Variants in XPNPEP1 observed in about 807,000 individuals in gnomAD.
XPNPEP1 encodes the protein X-prolyl aminopeptidase 1, also known as xaa-Pro aminopeptidase 1.
A neutral mutation model predicts 92.4 loss-of-function variants in XPNPEP1; 39 were observed. That is an observed-to-expected ratio of 0.42 (90% confidence interval 0.33 to 0.55). The LOEUF is 0.55. XPNPEP1 is among the 20% of genes least tolerant of loss of function. The pLI is 0.08. For synonymous variants in XPNPEP1, 307 were observed against 299.4 expected (o/e 1.03, Z -0.26); for missense variants, 654 against 856.1 (o/e 0.76, Z 2.95).
At chr10:109,913,479 T>C (rs1455864053) in intron 2 of XPNPEP1, among the ~76,000 whole-genome samples, 1 of 152,242 alleles carries the variant, frequency 6.6e-6, no homozygotes, top group Non-Finnish European at 1.5e-5. Flanking sequence ...TTAGAGGTAG[T>C]GGTTTGTTTC....
chr10:109,921,157 C>A lies in XPNPEP1; in HGVS notation c.32+2245G>T, dbSNP rs762539751. On this transcript the variant is annotated intron_variant, in intron 1 of 20. Transcript: ENST00000502935. Reference sequence around the variant, plus strand: ...AAGTTCTCTGTCAAAGCACAATTATCATTAAATATTAAGAACTAGAAGAAT... The same window carrying A: ...AAGTTCTCTGTCAAAGCACAATTATAATTAAATATTAAGAACTAGAAGAAT... 2.6e-5 allele frequency among the ~76,000 whole-genome samples: 4 copies of A among 152,320 alleles called. No individual in the cohort carries two copies. In the East Asian group the frequency reaches 7.7e-4, roughly 29 times the overall value.
chr10:109,877,694 G>T (rs1443401793), intron 14 of XPNPEP1, 96 bp downstream of exon 14: 3 of 1,401,692 alleles, frequency 2.1e-6, no homozygotes, highest in Non-Finnish European at 3.0e-6. Flanking sequence ...GATGAAGGTG[G>T]GCACAGAGGC....
chr10:109,870,762 C>T lies in XPNPEP1; in HGVS notation c.1665G>A (p.Glu555=). The T allele has an allele frequency of 6.2e-7, 1 of 1,614,126 alleles. No homozygotes were observed. The highest frequency in any genetic ancestry group is 8.5e-7 in the Non-Finnish European group (1 of 1,180,020). Residue 555 remains glutamate (E), a synonymous_variant, in exon 18 of 21, where the codon GAG becomes GAA. Coordinates refer to ENST00000502935, the MANE Select transcript of XPNPEP1 (RefSeq NM_020383.4). ...CGISYKTFSD[E]PLEAGMIVTD... ...TGACAATCATGCCTGCCTCCAAGGG[C>T]TCATCAGAGAATGTTTTGTAACTGA...
chr10:109,897,642 C>G (rs1003744713), intron 3 of XPNPEP1, among the ~76,000 whole-genome samples: 1 of 150,760 alleles, frequency 6.6e-6, no homozygotes, highest in Non-Finnish European at 1.5e-5. Context: ...GAACCAAGAT[C>G]TGAACTCAGG....
intron 1 of XPNPEP1, among the ~76,000 whole-genome samples, chr10:109,922,184 G>C (rs1016964024): frequency 5.9e-5 from 9 of 152,144 alleles, no homozygotes; most frequent in African/African-American, 2.2e-4. Context: ...TAGGGGAGGC[G>C]CCTGTGGAAA....
At chr10:109,897,960 C>G (rs760096768) in intron 3 of XPNPEP1, among the ~76,000 whole-genome samples, 9 of 152,326 alleles carry the variant, frequency 5.9e-5, no homozygotes, top group African/African-American at 9.6e-5. Flanking sequence ...AGCCTCAGGT[C>G]TGACTTTCGA....
intron 12 of XPNPEP1, among the ~76,000 whole-genome samples, chr10:109,878,565 A>T (rs1456032206): frequency 1.3e-5 from 2 of 152,180 alleles, no homozygotes; most frequent in East Asian, 3.8e-4. Context: ...TGTTCACACT[A>T]TGATTCTAAG....
In XPNPEP1 at chr10:109,870,857, G is replaced by T. The variant is rs1329490769; in HGVS notation, c.1570C>A (p.Leu524Ile). 6.2e-7 allele frequency: 1 copy of T among 1,614,086 alleles called. No homozygotes were observed. Among genetic ancestry groups the T allele is most frequent in the Admixed American group, 1.7e-5 (1 of 60,006 alleles). Reference sequence around the variant, plus strand: ...TGTCCAGTCCCGTGCAAGTAATCTAGGCCTGAATCCCATAAAGCTGAACGG... The same window carrying T: ...TGTCCAGTCCCGTGCAAGTAATCTATGCCTGAATCCCATAAAGCTGAACGG... The part of the protein sequence containing the change: ...FARSALWDSG[L>I]DYLHGTGHGV... Residue 524 changes from leucine to isoleucine, a missense_variant, in exon 18 of 21, where the codon CTA becomes ATA. Transcript: ENST00000502935.
At position 109,882,648 on chromosome 10, in the gene XPNPEP1, G is replaced by A. The variant is rs1456072199; in HGVS notation, c.831-6C>T. 3 of 1,614,032 alleles carry A rather than the reference G, an allele frequency of 1.9e-6. No homozygotes were observed. Among genetic ancestry groups the A allele is most frequent in the Non-Finnish European group, 2.5e-6 (3 of 1,179,902 alleles). On this transcript the variant is annotated splice_polypyrimidine_tract_variant and splice_region_variant and intron_variant, in intron 9 of 20. Transcript: ENST00000502935. The stretch of plus-strand genomic sequence containing the variant: ...GGTCACCATCAATGAAGAGCCTGCA[G>A]ATGGAGGAGAGGTGGGTGGCAGAAA...
At chr10:109,907,657 G>C in intron 3 of XPNPEP1, 34 bp downstream of exon 3, 1 of 1,613,240 alleles carries the variant, frequency 6.2e-7, no homozygotes, top group Non-Finnish European at 8.5e-7. Context: ...AAAAAAGACT[G>C]AAAAGAAAGG....
At chr10:109,898,671 G>A (rs1282924944) in intron 3 of XPNPEP1, among the ~76,000 whole-genome samples, 1 of 152,258 alleles carries the variant, frequency 6.6e-6, no homozygotes, top group Non-Finnish European at 1.5e-5. Flanking sequence ...GGGAGCAGCT[G>A]CAGAGATTTC....
chr10:109,879,247 T>C (rs1184982900), intron 12 of XPNPEP1, among the ~76,000 whole-genome samples: 1 of 130,606 alleles, frequency 7.7e-6, no homozygotes, highest in Non-Finnish European at 1.6e-5. Flanking sequence ...GTCTCAAAAA[T>C]AAAAAAAAAT....
chr10:109,891,852 A>T, intron 4 of XPNPEP1, 26 bp from the exon 5 acceptor site: 1 of 1,602,210 alleles, frequency 6.2e-7, no homozygotes, highest in Non-Finnish European at 8.5e-7. Context: ...AAAAAAAAAG[A>T]AGAAGAAAGG....
At chr10:109,871,016 G>T in intron 17 of XPNPEP1, 112 bp from the exon 18 acceptor site, 1 of 1,276,246 alleles carries the variant, frequency 7.8e-7, no homozygotes, top group South Asian at 1.6e-5. Context: ...GTTACTGGAG[G>T]GTTCAGATTT....
In XPNPEP1 at chr10:109,880,171, A is replaced by AAAGACT. The variant is rs1848011416; in HGVS notation, c.1182+11_1182+16dup. 1 of 1,613,690 alleles carries AAAGACT rather than the reference A, an allele frequency of 6.2e-7. No homozygotes were observed. The highest frequency in any genetic ancestry group is 8.5e-7 in the Non-Finnish European group (1 of 1,179,770). On this transcript the variant is annotated intron_variant, in intron 12 of 20. Transcript: ENST00000502935. ...AATAATGTATATCCACATATTAAAC[A>AAAGACT]AAGACTAAGAACCAACCTCTTTCTC...
At chr10:109,875,683 T>C in intron 14 of XPNPEP1, 84 bp from the exon 15 acceptor site, 2 of 1,215,502 alleles carry the variant, frequency 1.6e-6, no homozygotes, top group Admixed American at 3.9e-5. Context: ...GAGCTCTTTG[T>C]ACTATTCTTG....
chr10:109,886,638 T>C (rs1848405887), intron 7 of XPNPEP1, among the ~76,000 whole-genome samples: 1 of 152,200 alleles, frequency 6.6e-6, no homozygotes, highest in Non-Finnish European at 1.5e-5. Context: ...CTGGTCACTG[T>C]GGTTACAGAT....
At chr10:109,873,509 G>C in intron 15 of XPNPEP1, 82 bp from the exon 16 acceptor site, 11 of 1,543,928 alleles carry the variant, frequency 7.1e-6, no homozygotes, top group Non-Finnish European at 9.8e-6. Context: ...GTGGACAAGT[G>C]AGAAGCCCCA....
At chr10:109,905,519 T>TA (rs1214271805) in intron 3 of XPNPEP1, among the ~76,000 whole-genome samples, 2 of 151,514 alleles carry the variant, frequency 1.3e-5, no homozygotes, top group African/African-American at 4.9e-5. Context: ...AGCAAAATCT[T>TA]AGAGAGAGAA....
Sources: allele counts gnomAD v4.1 joint callset (sites outside exome capture counted in the v4.1 genomes callset), GRCh38; gene constraint gnomAD v4.1.1; transcripts MANE v1.5; gene names NCBI Gene and HGNC (gene_info 2026-07-23, HGNC 2026-07-21).